Variants in SIPA1L1 observed in about 807,000 individuals in gnomAD.
The protein encoded by SIPA1L1 is signal-induced proliferation-associated 1-like protein 1.
In SIPA1L1, 26 loss-of-function variants were observed where a neutral mutation model predicts 162.7. That is an observed-to-expected ratio of 0.16 (90% CI 0.12 to 0.22). SIPA1L1 has a LOEUF of 0.22. SIPA1L1 is among the 10% of genes least tolerant of loss of function. The pLI, the probability that SIPA1L1 is intolerant of heterozygous loss-of-function variation, is 1.00. For synonymous variants in SIPA1L1, 829 were observed against 837.4 expected (o/e 0.99, Z 0.17); for missense variants, 1,874 against 2,241.0 (o/e 0.84, Z 3.31).
chr14:71,509,966 G>T (rs939579651), intron 2 of SIPA1L1, among the ~76,000 whole-genome samples: 2 of 151,886 alleles, frequency 1.3e-5, no homozygotes, highest in Non-Finnish European at 2.9e-5. Flanking sequence ...GGCCTGTTTG[G>T]GATTTATCTG....
Position 71,405,068 on chromosome 14 carries a change from A to T in SIPA1L1, c.-465+83887A>T, listed in dbSNP as rs1007892343. ...TAAATAACAAGTATCAAAAGTAATT[A>T]TTGTGCCTATGGTAACAATGATTGG... On this transcript the variant is annotated intron_variant, in intron 2 of 23. Transcript: ENST00000381232. Among the ~76,000 whole-genome samples, 2 of 152,256 alleles carry T rather than the reference A, an allele frequency of 1.3e-5. 1 individual carries two copies. Among genetic ancestry groups the T allele is most frequent in the South Asian group, 4.1e-4 (2 of 4,836 alleles).
chr14:71,579,647 G>A (rs1198067484), intron 4 of SIPA1L1, among the ~76,000 whole-genome samples: 4 of 152,126 alleles, frequency 2.6e-5, no homozygotes, highest in African/African-American at 4.8e-5. Context: ...TTTCTTTTAC[G>A]TTCTAGGTTC....
chr14:71,341,970 A>C (rs1228837720), intron 2 of SIPA1L1, among the ~76,000 whole-genome samples: 1 of 151,700 alleles, frequency 6.6e-6, no homozygotes, highest in Non-Finnish European at 1.5e-5. Context: ...GGAACGTGTG[A>C]GTGTATGTGT....
At chr14:71,493,308 G>C (rs1294207399) in intron 2 of SIPA1L1, among the ~76,000 whole-genome samples, 2 of 152,038 alleles carry the variant, frequency 1.3e-5, no homozygotes, top group African/African-American at 4.8e-5. Context: ...TACCCAGGCT[G>C]GTGTTGAATC....
At chr14:71,418,880 G>A (rs1351929267) in intron 2 of SIPA1L1, among the ~76,000 whole-genome samples, 3 of 152,142 alleles carry the variant, frequency 2.0e-5, no homozygotes, top group African/African-American at 7.2e-5. Flanking sequence ...CTGCGGGGAG[G>A]GCTTTATTGT....
At chr14:71,528,252 G>T (rs376897046) in intron 3 of SIPA1L1, among the ~76,000 whole-genome samples, 1 of 152,090 alleles carries the variant, frequency 6.6e-6, no homozygotes, top group African/African-American at 2.4e-5. Context: ...TCAAGTTAAG[G>T]AATTTAGAAA....
chr14:71,618,181 C>T (rs978992941), intron 5 of SIPA1L1, among the ~76,000 whole-genome samples: 1 of 152,166 alleles, frequency 6.6e-6, no homozygotes, highest in Non-Finnish European at 1.5e-5. Context: ...GTGCTATGGC[C>T]CAGAGCCCTG....
chr14:71,677,619 G>A (rs544692690), intron 12 of SIPA1L1, among the ~76,000 whole-genome samples: 20 of 152,196 alleles, frequency 1.3e-4, no homozygotes, highest in Middle Eastern at 3.4e-3. Context: ...CTAACATTTA[G>A]GTCTTTAATC....
intron 7 of SIPA1L1, among the ~76,000 whole-genome samples, chr14:71,646,180 T>TC (rs1567388661): frequency 6.8e-6 from 1 of 146,898 alleles, no homozygotes; most frequent in East Asian, 2.0e-4. Context: ...TCTTTCTACT[T>TC]TTTTTTTTTT....
chr14:71,604,057 C>G (rs1370020425), intron 5 of SIPA1L1, among the ~76,000 whole-genome samples: 2 of 145,256 alleles, frequency 1.4e-5, no homozygotes, highest in African/African-American at 5.1e-5. Flanking sequence ...AGTGTAGAGG[C>G]CTGATCTCAG....
At chr14:71,719,464 T>C (rs940749779) in intron 17 of SIPA1L1, among the ~76,000 whole-genome samples, 5 of 152,224 alleles carry the variant, frequency 3.3e-5, no homozygotes, top group Non-Finnish European at 5.9e-5. Context: ...AGTCTTTTAA[T>C]GTAACCATTC....
intron 8 of SIPA1L1, among the ~76,000 whole-genome samples, chr14:71,657,487 C>CT (rs527456164): frequency 6.6e-6 from 1 of 151,716 alleles, no homozygotes; most frequent in Non-Finnish European, 1.5e-5. Flanking sequence ...AAGTTAATAA[C>CT]TTTTTTCTGC....
chr14:71,336,496 C>T (rs949097584), intron 2 of SIPA1L1, among the ~76,000 whole-genome samples: 1 of 152,152 alleles, frequency 6.6e-6, no homozygotes, highest in Non-Finnish European at 1.5e-5. Context: ...CTTCTTTCAC[C>T]TAGCTCTGTC....
intron 5 of SIPA1L1, among the ~76,000 whole-genome samples, chr14:71,611,403 A>C: frequency 6.7e-6 from 1 of 150,014 alleles, no homozygotes; most frequent in East Asian, 1.9e-4. Context: ...ATTTAATTTA[A>C]TTTAATGTTA....
intron 2 of SIPA1L1, among the ~76,000 whole-genome samples, chr14:71,357,301 C>T (rs2037370829): frequency 6.6e-6 from 1 of 152,070 alleles, no homozygotes; most frequent in Admixed American, 6.5e-5. Context: ...CTATAAGGAA[C>T]TTCGAAATCA....
Position 71,470,600 on chromosome 14 carries a change from T to C in SIPA1L1, c.-464-42143T>C, listed in dbSNP as rs148195137. Among the ~76,000 whole-genome samples the C allele has an allele frequency of 1.2e-3, 177 of 152,216 alleles. 2 individuals are homozygous for C. The highest frequency in any genetic ancestry group is 5.0e-4 in the Non-Finnish European group (34 of 68,004). ...GGTGATCACCTGGCGGAGCTGCTTG[T>C]AGGTCATTGGATGTTTGCATTAGGA... On this transcript the variant is annotated intron_variant, in intron 2 of 23. Coordinates refer to ENST00000381232, the MANE Select transcript of SIPA1L1 (RefSeq NM_001386936.1).
chr14:71,608,293 A>T (rs973864776), intron 5 of SIPA1L1, among the ~76,000 whole-genome samples: 1 of 152,184 alleles, frequency 6.6e-6, no homozygotes, highest in Non-Finnish European at 1.5e-5. Flanking sequence ...TTCTGCCTTA[A>T]CTGAATTTCT....
intron 5 of SIPA1L1, among the ~76,000 whole-genome samples, chr14:71,609,790 C>T (rs2037986357): frequency 6.6e-6 from 1 of 152,004 alleles, no homozygotes; most frequent in South Asian, 2.1e-4. Flanking sequence ...GATGGTGTCT[C>T]ACTGTTGCTC....
chr14:71,707,341 T>C (rs2082526231), intron 16 of SIPA1L1, among the ~76,000 whole-genome samples: 2 of 152,244 alleles, frequency 1.3e-5, no homozygotes, highest in African/African-American at 4.8e-5. Flanking sequence ...AATTGAGATA[T>C]AATTCACATA....
Sources: allele counts gnomAD v4.1 joint callset (sites outside exome capture counted in the v4.1 genomes callset), GRCh38; gene constraint gnomAD v4.1.1; transcripts MANE v1.5; gene names NCBI Gene and HGNC (gene_info 2026-07-23, HGNC 2026-07-21).